The following CEP128 variants were observed in gnomAD, a reference collection of about 807,000 sequenced individuals.
CEP128 encodes the protein centrosomal protein 128.
CEP128 carries 132 observed loss-of-function variants against 156.7 expected under a neutral mutation model. That is an observed-to-expected ratio of 0.84 (90% CI 0.73 to 0.97). The LOEUF (loss-of-function observed/expected upper bound fraction) is 0.97, where lower values mean the gene tolerates loss of function less well. CEP128 is among the 50% of genes least tolerant of loss of function. CEP128 has a pLI of 0.00. For synonymous variants in CEP128, 469 were observed against 448.9 expected (o/e 1.04, Z -0.57); for missense variants, 1,252 against 1,281.9 (o/e 0.98, Z 0.36).
At chr14:80,534,636 G>A (rs529424038) in intron 21 of CEP128, among the ~76,000 whole-genome samples, 1 of 152,062 alleles carries the variant, frequency 6.6e-6, no homozygotes, top group East Asian at 1.9e-4. Context: ...CCATCCTGGT[G>A]AACACGGTGA....
intron 8 of CEP128, among the ~76,000 whole-genome samples, chr14:80,879,717 T>C (rs1412435553): frequency 2.0e-5 from 3 of 152,152 alleles, no homozygotes; most frequent in Admixed American, 1.3e-4. Flanking sequence ...GTTCACATTA[T>C]GGGAATTTCA....
At chr14:80,912,248 T>A (rs1884277587) in intron 4 of CEP128, among the ~76,000 whole-genome samples, 1 of 152,040 alleles carries the variant, frequency 6.6e-6, no homozygotes, top group Admixed American at 6.5e-5. Context: ...TCAGAAAGTT[T>A]AGCATTATTC....
chr14:80,477,808 T>C (rs1886970294), exon 15 of CEP128: 1 of 152,224 alleles, frequency 6.6e-6, no homozygotes, highest in Non-Finnish European at 1.5e-5. Context: ...CTCACTGTCG[T>C]CCTGAGAGAA....
At chr14:80,607,030 A>G (rs1892809633) in intron 19 of CEP128, among the ~76,000 whole-genome samples, 1 of 151,570 alleles carries the variant, frequency 6.6e-6, no homozygotes, top group Non-Finnish European at 1.5e-5. Flanking sequence ...TATAACATAT[A>G]TACGATACAC....
chr14:80,867,940 G>C (rs1445226212), intron 8 of CEP128, among the ~76,000 whole-genome samples: 1 of 152,016 alleles, frequency 6.6e-6, no homozygotes, highest in Non-Finnish European at 1.5e-5. Flanking sequence ...CAAAAACAAA[G>C]AGAAAATGCC....
intron 4 of CEP128, among the ~76,000 whole-genome samples, chr14:80,912,633 C>T (rs1020866897): frequency 6.6e-6 from 1 of 152,048 alleles, no homozygotes; most frequent in Non-Finnish European, 1.5e-5. Flanking sequence ...CATAAAAATC[C>T]TGTAAATACA....
chr14:80,942,624 T>G (rs1886214510), upstream of CEP128, among the ~76,000 whole-genome samples: 1 of 152,330 alleles, frequency 6.6e-6, no homozygotes, highest in African/African-American at 2.4e-5. Context: ...TCATGTTTAA[T>G]AACAAGGGTT....
chr14:80,930,002 T>C (rs11845772), intron 2 of CEP128, among the ~76,000 whole-genome samples: 9,744 of 152,210 alleles, frequency 0.064, 1,032 homozygotes, highest in African/African-American at 0.22. Context: ...CATTACCACC[T>C]GAGCTCCACT....
intron 9 of CEP128, among the ~76,000 whole-genome samples, chr14:80,855,245 A>C (rs1253334713): frequency 1.3e-5 from 2 of 152,126 alleles, no homozygotes; most frequent in African/African-American, 4.8e-5. Context: ...CTCTCTGCTT[A>C]CCGAACCCCA....
At chr14:80,946,981 T>C (rs1458298413) in intron 2 of CEP128, among the ~76,000 whole-genome samples, 1 of 152,168 alleles carries the variant, frequency 6.6e-6, no homozygotes, top group Non-Finnish European at 1.5e-5. Context: ...CCCTTCACTC[T>C]CCCTTTCTCC....
chr14:80,706,711 T>A (rs1033016951), intron 19 of CEP128, among the ~76,000 whole-genome samples: 1 of 152,036 alleles, frequency 6.6e-6, no homozygotes, highest in African/African-American at 2.4e-5. Context: ...TCAATCATTA[T>A]GTCCTCAAAT....
intron 12 of CEP128, among the ~76,000 whole-genome samples, chr14:80,835,702 A>AC (rs1430390738): frequency 6.6e-6 from 1 of 152,148 alleles, no homozygotes; most frequent in Non-Finnish European, 1.5e-5. Flanking sequence ...GTATTCCTAA[A>AC]CCACATAAAA....
intron 14 of CEP128, among the ~76,000 whole-genome samples, chr14:80,791,841 T>G (rs1901722434): frequency 6.6e-6 from 1 of 152,186 alleles, no homozygotes; most frequent in South Asian, 2.1e-4. Flanking sequence ...GAAATAAGTA[T>G]CTGTCACTCT....
At chr14:80,891,899 G>A (rs1379838772) in intron 8 of CEP128, among the ~76,000 whole-genome samples, 4 of 151,732 alleles carry the variant, frequency 2.6e-5, no homozygotes, top group Non-Finnish European at 5.9e-5. Context: ...AGACACTGAT[G>A]AAAGAAATTG....
Position 80,785,207 on chromosome 14 carries a change from C to T in CEP128, c.1899G>A (p.Met633Ile). The change falls in exon 15 of 25, where the codon ATG becomes ATA. Residue 633 changes from methionine to isoleucine, a missense_variant. By Grantham distance (10) the Met-to-Ile change is conservative (BLOSUM62 1). Transcript: ENST00000555265. ...CACTCAGGTCCTTGATGGACTCTTG[C>T]ATCTCAAGAAGTTTAGCTTTGTCCT... ...QAQDKAKLLE[M>I]QESIKDLSAI... The T allele has an allele frequency of 6.2e-7, 1 of 1,614,200 alleles. No individual in the cohort carries two copies. Among genetic ancestry groups the T allele is most frequent in the Non-Finnish European group, 8.5e-7 (1 of 1,180,014 alleles).
At chr14:80,746,853 T>G (rs1233238957) in intron 18 of CEP128, among the ~76,000 whole-genome samples, 2 of 152,212 alleles carry the variant, frequency 1.3e-5, no homozygotes, top group African/African-American at 4.8e-5. Context: ...ATAAGGGAAT[T>G]ACATGTCAGA....
At chr14:80,552,373 A>G (rs1271653428) in intron 21 of CEP128, among the ~76,000 whole-genome samples, 1 of 151,940 alleles carries the variant, frequency 6.6e-6, no homozygotes, top group Non-Finnish European at 1.5e-5. Context: ...TCTTAAAACT[A>G]TTTGTGCCTG....
chr14:80,716,303 A>T (rs1566873622), intron 19 of CEP128, among the ~76,000 whole-genome samples: 1 of 152,222 alleles, frequency 6.6e-6, no homozygotes, highest in Non-Finnish European at 1.5e-5. Flanking sequence ...TACAACCATC[A>T]CCACAATCAA....
chr14:80,494,265 G>A (rs142479934), downstream of CEP128, among the ~76,000 whole-genome samples: 10 of 152,018 alleles, frequency 6.6e-5, no homozygotes, highest in Admixed American at 3.3e-4. Flanking sequence ...AGATGCTTTC[G>A]TGAGAACAGC....
Sources: gnomAD v4.1 joint callset for allele counts (sites outside exome capture counted in the v4.1 genomes callset) on GRCh38, gnomAD v4.1.1 for gene constraint, MANE v1.5 for transcripts, NCBI Gene and HGNC (gene_info 2026-07-23, HGNC 2026-07-21) for gene names.